Variants in ZEB2 observed in about 807,000 individuals in gnomAD.
ZEB2 encodes zinc finger E-box binding homeobox 2, also known as zinc finger E-box-binding homeobox 2.
Under a neutral mutation model 99.9 loss-of-function variants are expected in ZEB2, and 6 were observed. The ratio of observed to expected loss-of-function variants is 0.06; its 90% CI spans 0.03 to 0.12. ZEB2 has a LOEUF of 0.12. ZEB2 is among the 10% of genes least tolerant of loss of function. The pLI, the probability that ZEB2 is intolerant of heterozygous loss-of-function variation, is 1.00. For synonymous variants in ZEB2, 517 were observed against 542.5 expected, an observed-to-expected ratio of 0.95 and a Z score of 0.65; for missense variants, 969 against 1,502.8, an observed-to-expected ratio of 0.64 and a Z score of 5.87.
chr2:144,389,946 C>T lies in ZEB2; in HGVS notation c.3150G>A (p.Ser1050=), dbSNP rs1324396979. The change falls in exon 10 of 10, where the codon TCG becomes TCA. Residue 1050 remains serine (S), a synonymous_variant. Transcript: ENST00000627532. The surrounding 1 kb of genome is among the most constrained non-coding windows in gnomAD (Gnocchi z 6.8). ...HHLIEHSRLH[S]GEKPYQCDKC... ...TATCACACTGATAGGGCTTCTCGCCCGAGTGAAGCCTTGAGTGCTCGATAA... is the reference window on the plus strand; with the variant it reads ...TATCACACTGATAGGGCTTCTCGCCTGAGTGAAGCCTTGAGTGCTCGATAA... 2.5e-6 allele frequency: 4 copies of T among 1,609,948 alleles called. No individual in the cohort carries two copies. In the Admixed American group the frequency reaches 5.0e-5, roughly 20 times the overall value.
intron 2 of ZEB2, among the ~76,000 whole-genome samples, chr2:144,460,376 CTAT>C (rs1029004551): frequency 9.9e-5 from 15 of 152,064 alleles, no homozygotes; most frequent in African/African-American, 3.6e-4. Context: ...CTCTCTCTCT[CTAT>C]TTATTTATTT....
At chr2:144,441,261 C>T (rs1281152645) in intron 2 of ZEB2, among the ~76,000 whole-genome samples, 2 of 149,808 alleles carry the variant, frequency 1.3e-5, no homozygotes, top group African/African-American at 2.5e-5. Flanking sequence ...CCTCAATTCC[C>T]CTTCCCTGCC....
At chr2:144,477,030 A>T (rs984569325) in intron 2 of ZEB2, among the ~76,000 whole-genome samples, 24 of 152,136 alleles carry the variant, frequency 1.6e-4, no homozygotes, top group Admixed American at 7.9e-4. Flanking sequence ...TTAATAATAA[A>T]CTGTCTGGTA....
intron 2 of ZEB2, among the ~76,000 whole-genome samples, chr2:144,490,408 C>T (rs746446036): frequency 6.6e-6 from 1 of 152,144 alleles, no homozygotes; most frequent in Admixed American, 6.5e-5. Flanking sequence ...CAGAACCTTT[C>T]CTACTCAACG....
chr2:144,454,352 A>G (rs1704092612), intron 2 of ZEB2, among the ~76,000 whole-genome samples: 1 of 152,220 alleles, frequency 6.6e-6, no homozygotes. Flanking sequence ...ATTACAAACT[A>G]TAAACAGAAG....
intron 2 of ZEB2, among the ~76,000 whole-genome samples, chr2:144,450,820 C>T (rs986522607): frequency 5.9e-5 from 9 of 152,256 alleles, no homozygotes; most frequent in African/African-American, 1.4e-4. Context: ...GGATTACAGG[C>T]GCCCACCACC....
chr2:144,506,912 T>G (rs939793705), intron 2 of ZEB2, among the ~76,000 whole-genome samples: 1 of 152,098 alleles, frequency 6.6e-6, no homozygotes, highest in African/African-American at 2.4e-5. Context: ...GAGAAATCCA[T>G]TACAGTTTTT....
intron 2 of ZEB2, chr2:144,511,902 T>G: frequency 7.8e-7 from 1 of 1,287,256 alleles, no homozygotes; most frequent in Non-Finnish European, 1.0e-6. Context: ...AAAAGCATAT[T>G]TGGGCTTATG....
Position 144,398,375 on chromosome 2 carries a change from T to C in ZEB2, c.2812A>G (p.Thr938Ala), listed in dbSNP as rs1184670118. ...QMSFLPHMAY[T>A]YPTGAATFAD... ...AAAGTAGCTGCTCCAGTTGGGTAGG[T>C]GTAGGCCATATGTGGTAGGAAGCTC... Residue 938 changes from threonine (T) to alanine (A), a missense_variant, in exon 8 of 10, where the codon ACC becomes GCC. Physicochemically the swap from Thr to Ala is moderately conservative, Grantham distance 58. This residue lies in a region of ZEB2 where 346 missense variants were observed against 460.0 expected (regional missense o/e 0.75). Transcript: ENST00000627532. The C allele has an allele frequency of 6.2e-7, 1 of 1,614,014 alleles. No homozygotes were observed. Among genetic ancestry groups the C allele is most frequent in the East Asian group, 2.2e-5 (1 of 44,868 alleles).
intron 2 of ZEB2, among the ~76,000 whole-genome samples, chr2:144,437,550 G>A (rs1703854715): frequency 6.6e-6 from 1 of 152,172 alleles, no homozygotes; most frequent in Admixed American, 6.5e-5. Flanking sequence ...TCACTATCAT[G>A]CCTGAAGGAT....
At chr2:144,468,240 T>C (rs2149907900) in intron 2 of ZEB2, among the ~76,000 whole-genome samples, 1 of 152,240 alleles carries the variant, frequency 6.6e-6, no homozygotes, top group East Asian at 1.9e-4. Flanking sequence ...ATAGAGGTAA[T>C]GACACAAGGC....
rs1384156620 is a variant in ZEB2, at chr2:144,517,427, C to G, written c.-69-8G>C. 11 of 1,559,346 alleles carry G rather than the reference C, an allele frequency of 7.1e-6. No homozygotes were observed. Among genetic ancestry groups the G allele is most frequent in the Admixed American group, 1.7e-5 (1 of 59,762 alleles). On this transcript the variant is annotated splice_polypyrimidine_tract_variant and splice_region_variant and intron_variant, in intron 1 of 9. Transcript: ENST00000627532. The stretch of plus-strand genomic sequence containing the variant: ...GCAGCACGCAGGCTCGATCTAGCAA[C>G]CAAACACAGCGACAATGTGGGCATC...
chr2:144,399,880 A>G lies in ZEB2; in HGVS notation c.1307T>C (p.Met436Thr). The G allele has an allele frequency of 6.2e-7, 1 of 1,614,208 alleles. No individual in the cohort carries two copies. Among genetic ancestry groups the G allele is most frequent in the East Asian group, 2.2e-5 (1 of 44,886 alleles). Residue 436 changes from methionine (M) to threonine (T), a missense_variant, in exon 8 of 10, where the codon ATG becomes ACG. By Grantham distance (81) the Met-to-Thr change is moderately conservative (BLOSUM62 -1). Around this residue, in one of 8 missense-constraint regions of ZEB2, gnomAD observed 227 missense variants for 278.2 expected, o/e 0.82. Coordinates refer to ENST00000627532, the MANE Select transcript of ZEB2 (RefSeq NM_014795.4). The surrounding 1 kb of genome is among the most constrained non-coding windows in gnomAD (Gnocchi z 5.6). ...LGVHPSAQSP[M>T]QHLGVGMEAP... The stretch of plus-strand genomic sequence containing the variant: ...TTCCATCCCTACACCTAAGTGCTGC[A>G]TTGGACTCTGAGCAGATGGATGAAC...
At chr2:144,438,471 AG>A (rs1475885160) in intron 2 of ZEB2, among the ~76,000 whole-genome samples, 1 of 151,920 alleles carries the variant, frequency 6.6e-6, no homozygotes, top group Non-Finnish European at 1.5e-5. Context: ...GGCTCGAAGT[AG>A]GGGGGCTGGA....
chr2:144,427,275 G>C (rs1048255690), intron 3 of ZEB2: 3 of 152,198 alleles, frequency 2.0e-5, no homozygotes, highest in African/African-American at 4.8e-5. Flanking sequence ...ATTGTGGGAC[G>C]AAAGAATGTC....
intron 2 of ZEB2, chr2:144,511,918 A>G: frequency 7.8e-7 from 1 of 1,287,202 alleles, no homozygotes. Context: ...TTATGTTAAC[A>G]TCTGCTTTTG....
chr2:144,512,806 G>A lies in ZEB2; in HGVS notation c.73+4472C>T, dbSNP rs1007940656. 2.3e-6 allele frequency: 3 copies of A among 1,287,096 alleles called. No homozygotes were observed. In the Admixed American group the frequency reaches 6.9e-5, roughly 30 times the overall value. 79.7% of individuals were successfully genotyped at this position (1,287,096 alleles called of 1,614,324 possible). A position where few individuals can be genotyped will look rare whatever the true frequency, so the allele number is the denominator to read the frequency against. On this transcript the variant is annotated intron_variant, in intron 2 of 9. Transcript: ENST00000627532. ...TAGCCCCCAGCCTTGTGTGTGTGCAGCGTGACAAAACTTGCAGAAGATCTC... is the reference window on the plus strand; with the variant it reads ...TAGCCCCCAGCCTTGTGTGTGTGCAACGTGACAAAACTTGCAGAAGATCTC...
intron 4 of ZEB2, among the ~76,000 whole-genome samples, chr2:144,421,928 G>A (rs1254559828): frequency 6.6e-6 from 1 of 152,056 alleles, no homozygotes; most frequent in Non-Finnish European, 1.5e-5. Context: ...TGTGTCTAAA[G>A]GCTGGTTCAA....
At chr2:144,419,319 GA>G (rs1474773169) in intron 4 of ZEB2, among the ~76,000 whole-genome samples, 3 of 152,218 alleles carry the variant, frequency 2.0e-5, no homozygotes, top group African/African-American at 7.2e-5. Context: ...TGTTGTGTAA[GA>G]TTAAGAACTG....
Sources: gnomAD v4.1 joint callset for allele counts (sites outside exome capture counted in the v4.1 genomes callset) on GRCh38, gnomAD v4.1.1 for gene constraint, gnomAD v4.1.1 regional missense constraint, Gnocchi (gnomAD v3.1) non-coding constraint, MANE v1.5 for transcripts, NCBI Gene and HGNC (gene_info 2026-07-23, HGNC 2026-07-21) for gene names.